The following PPFIBP1 variants were observed in gnomAD, a reference collection of about 807,000 sequenced individuals.
PPFIBP1 encodes PPFIB scaffold protein 1, also known as liprin-beta-1.
A neutral mutation model predicts 137.8 loss-of-function variants in PPFIBP1; 112 were observed. The ratio of observed to expected loss-of-function variants is 0.81; its 90% CI spans 0.70 to 0.95. The LOEUF (loss-of-function observed/expected upper bound fraction) is 0.95. PPFIBP1 is among the 40% of genes least tolerant of loss of function. The probability of loss-of-function intolerance (pLI) is 0.00; values close to 1 mark genes in which losing one functional copy is unlikely to be tolerated. For synonymous variants in PPFIBP1, 378 were observed against 417.3 expected, an observed-to-expected ratio of 0.91 and a Z score of 1.15; for missense variants, 1,083 against 1,196.6, an observed-to-expected ratio of 0.91 and a Z score of 1.40.
chr12:27,577,834 T>C (rs1341340111), intron 1 of PPFIBP1, among the ~76,000 whole-genome samples: 1 of 152,148 alleles, frequency 6.6e-6, no homozygotes, highest in Admixed American at 6.5e-5. Flanking sequence ...GTACCTACCA[T>C]GTGCTACTAC....
intron 1 of PPFIBP1, among the ~76,000 whole-genome samples, chr12:27,575,057 AAGAC>A: frequency 6.6e-6 from 1 of 152,246 alleles, no homozygotes; most frequent in East Asian, 1.9e-4. Flanking sequence ...TTCTTATTTT[AAGAC>A]AGTCTACTGA....
intron 1 of PPFIBP1, among the ~76,000 whole-genome samples, chr12:27,550,968 G>A (rs1390467451): frequency 7.7e-6 from 1 of 129,272 alleles, no homozygotes; most frequent in African/African-American, 3.1e-5. Flanking sequence ...TTGGGGGTGG[G>A]CACTAATTTT....
At chr12:27,569,478 C>T (rs920719017) in intron 1 of PPFIBP1, among the ~76,000 whole-genome samples, 88 of 152,144 alleles carry the variant, frequency 5.8e-4, no homozygotes, top group African/African-American at 2.1e-3. Flanking sequence ...CCCACTGGCT[C>T]TCTGTCAAAA....
At chr12:27,583,211 A>T (rs377100606) in intron 2 of PPFIBP1, among the ~76,000 whole-genome samples, 1 of 152,152 alleles carries the variant, frequency 6.6e-6, no homozygotes, top group East Asian at 1.9e-4. Context: ...CTGCACTTGG[A>T]TGACGGCTTT....
chr12:27,623,745 C>T (rs1314495281), intron 2 of PPFIBP1, among the ~76,000 whole-genome samples: 1 of 151,920 alleles, frequency 6.6e-6, no homozygotes, highest in East Asian at 1.9e-4. Context: ...AAGTAAAGGT[C>T]AAGATGTAGT....
chr12:27,597,230 C>T (rs1468067591), intron 2 of PPFIBP1, among the ~76,000 whole-genome samples: 3 of 152,056 alleles, frequency 2.0e-5, no homozygotes, highest in Non-Finnish European at 2.9e-5. Context: ...TGCAGTGGCA[C>T]GATCTCGGCT....
At chr12:27,594,120 C>G (rs1420668991) in intron 2 of PPFIBP1, 1 of 783,196 alleles carries the variant, frequency 1.3e-6, no homozygotes, top group East Asian at 3.4e-5. Context: ...TAGGTGGGAC[C>G]GGGGAGAAGA....
intron 4 of PPFIBP1, among the ~76,000 whole-genome samples, chr12:27,645,765 GGT>G (rs1242239030): frequency 6.6e-6 from 1 of 152,104 alleles, no homozygotes; most frequent in Admixed American, 6.5e-5. Flanking sequence ...CCTGCCCCTG[GGT>G]GTGTGTCTGC....
intron 12 of PPFIBP1, among the ~76,000 whole-genome samples, chr12:27,664,893 A>T (rs1311359198): frequency 6.6e-6 from 1 of 152,180 alleles, no homozygotes; most frequent in African/African-American, 2.4e-5. Flanking sequence ...GAAGGGTTTT[A>T]AAAGTCAGCA....
At position 27,689,088 on chromosome 12, in the gene PPFIBP1, G is replaced by A. The variant is rs201325210; in HGVS notation, c.2570G>A (p.Arg857Gln). ...ATCCCACCCAATAAGACTTTGCTGC[G>A]AAGACATTTGGCCACTCATTTCAAC... ...LNIPPNKTLL[R>Q]RHLATHFNLL... is the part of the protein sequence containing the mutation. The change falls in exon 27 of 30, where the codon CGA becomes CAA. Residue 857 changes from arginine to glutamine, a missense_variant. Transcript: ENST00000228425. 3.1e-6 allele frequency: 5 copies of A among 1,613,256 alleles called. No homozygotes were observed. Among genetic ancestry groups the A allele is most frequent in the East Asian group, 4.5e-5 (2 of 44,852 alleles).
chr12:27,618,727 A>T (rs943234253), intron 2 of PPFIBP1, among the ~76,000 whole-genome samples: 2 of 152,224 alleles, frequency 1.3e-5, no homozygotes, highest in Admixed American at 1.3e-4. Context: ...CCTTGGGCAC[A>T]TGTTCTCAGG....
intron 2 of PPFIBP1, among the ~76,000 whole-genome samples, chr12:27,605,360 C>G (rs1405172894): frequency 6.6e-6 from 1 of 152,006 alleles, no homozygotes; most frequent in Non-Finnish European, 1.5e-5. Context: ...TTGCCAGGAG[C>G]CCCTGGGGGT....
intron 14 of PPFIBP1, among the ~76,000 whole-genome samples, chr12:27,671,944 C>T (rs761127045): frequency 6.6e-5 from 10 of 152,098 alleles, no homozygotes; most frequent in East Asian, 1.9e-4. Flanking sequence ...TGGTGGCACA[C>T]GCCTGTAATC....
intron 7 of PPFIBP1, among the ~76,000 whole-genome samples, chr12:27,652,871 AT>A (rs1339303635): frequency 6.6e-6 from 1 of 152,172 alleles, no homozygotes; most frequent in Non-Finnish European, 1.5e-5. Flanking sequence ...GGAAAAGCTG[AT>A]TTTTTTCTTT....
At chr12:27,668,287 T>C (rs2059983516) in intron 13 of PPFIBP1, among the ~76,000 whole-genome samples, 1 of 152,170 alleles carries the variant, frequency 6.6e-6, no homozygotes, top group African/African-American at 2.4e-5. Flanking sequence ...GACTCTTTCA[T>C]TGAATTAAAG....
intron 2 of PPFIBP1, among the ~76,000 whole-genome samples, chr12:27,625,247 CA>C (rs1388009087): frequency 2.6e-5 from 4 of 152,084 alleles, no homozygotes; most frequent in Non-Finnish European, 4.4e-5. Context: ...GAGACTGTTT[CA>C]AAAAATATTT....
rs141677886 is a variant in PPFIBP1 at position 27,573,842 on chromosome 12, G to A, written c.-123-4310G>A. Among the ~76,000 whole-genome samples, 200 of 152,184 alleles carry A rather than the reference G, an allele frequency of 1.3e-3. 1 individual carries two copies. The highest frequency in any genetic ancestry group is 4.7e-3 in the African/African-American group (194 of 41,534). On this transcript the variant is annotated intron_variant, in intron 1 of 29. Transcript: ENST00000228425. ...TACAAAAAAATAAAATAATAAACTA[G>A]TCAAGCTTGCACACCTGTATTCCTA...
intron 2 of PPFIBP1, among the ~76,000 whole-genome samples, chr12:27,608,562 C>G (rs982539805): frequency 6.6e-5 from 10 of 152,212 alleles, no homozygotes; most frequent in Non-Finnish European, 1.3e-4. Flanking sequence ...GATTTCACCT[C>G]TTAAGTAAAA....
At chr12:27,690,074 G>T (rs2061437402) in intron 27 of PPFIBP1, among the ~76,000 whole-genome samples, 1 of 152,032 alleles carries the variant, frequency 6.6e-6, no homozygotes. Flanking sequence ...TTTCTCAGGG[G>T]CTTCCCCTCA....
Sources: allele counts gnomAD v4.1 joint callset (sites outside exome capture counted in the v4.1 genomes callset), GRCh38; gene constraint gnomAD v4.1.1; transcripts MANE v1.5; gene names NCBI Gene and HGNC (gene_info 2026-07-23, HGNC 2026-07-21).